The following CYRIA variants were observed in gnomAD, a reference collection of about 807,000 sequenced individuals.
CYRIA encodes CYFIP-related Rac1 interactor A.
CYRIA carries 15 observed loss-of-function variants against 43.9 expected under a neutral mutation model. That is an observed-to-expected ratio of 0.34 (90% confidence interval 0.23 to 0.53). CYRIA has a LOEUF of 0.53. CYRIA is among the 20% of genes least tolerant of loss of function. CYRIA has a pLI of 0.94. For synonymous variants in CYRIA, 117 were observed against 136.0 expected (o/e 0.86, Z 0.97); for missense variants, 236 against 394.2 (o/e 0.60, Z 3.40).
intron 2 of CYRIA, 77 bp from the exon 3 acceptor site, chr2:16,588,206 C>T: frequency 2.3e-6 from 2 of 882,090 alleles, no homozygotes; most frequent in South Asian, 3.4e-5. Flanking sequence ...CCTGGGCCCC[C>T]CATAGCTACC....
At chr2:16,640,670 C>A (rs16982630) in intron 1 of CYRIA, among the ~76,000 whole-genome samples, 54,103 of 152,008 alleles carry the variant, frequency 0.36, 10,214 homozygotes, top group African/African-American at 0.48. Flanking sequence ...GCTGCAGGCA[C>A]TGGATCAGAT....
chr2:16,635,920 A>C (rs1469849031), intron 1 of CYRIA, among the ~76,000 whole-genome samples: 2 of 152,150 alleles, frequency 1.3e-5, no homozygotes, highest in African/African-American at 4.8e-5. Flanking sequence ...TGGGATTGAA[A>C]ATGCATTTAG....
At chr2:16,599,704 C>T (rs1247150520) in intron 2 of CYRIA, among the ~76,000 whole-genome samples, 1 of 151,788 alleles carries the variant, frequency 6.6e-6, no homozygotes, top group Non-Finnish European at 1.5e-5. Flanking sequence ...GCGTCACTCA[C>T]GCTGGGAGCT....
chr2:16,631,219 A>T (rs1669321353), intron 1 of CYRIA, among the ~76,000 whole-genome samples: 1 of 152,274 alleles, frequency 6.6e-6, no homozygotes, highest in Non-Finnish European at 1.5e-5. Flanking sequence ...CATTGAGTGG[A>T]AAGTTACTTA....
intron 1 of CYRIA, among the ~76,000 whole-genome samples, chr2:16,639,426 G>A (rs1348206024): frequency 2.0e-5 from 3 of 152,226 alleles, no homozygotes; most frequent in South Asian, 2.1e-4. Context: ...GCACAGAAAT[G>A]CCCAGTTGAT....
chr2:16,561,360 G>A lies in CYRIA; in HGVS notation c.514-83C>T. 4.7e-6 allele frequency: 7 copies of A among 1,480,326 alleles called. No homozygotes were observed. In the South Asian group the frequency reaches 7.9e-5, roughly 17 times the overall value. The allele number at this position is 1,480,326 out of a possible 1,614,324, so 91.7% of individuals were successfully genotyped here. A position where few individuals can be genotyped will look rare whatever the true frequency, so the allele number is the denominator to read the frequency against. ...TACTTTTCTCTGGAACTGAATTACA[G>A]ACAAGGACATTGTCTTCTGTCTGTG... On this transcript the variant is annotated intron_variant, in intron 7 of 11. Transcript: ENST00000381323.
intron 4 of CYRIA, among the ~76,000 whole-genome samples, chr2:16,564,680 G>A (rs541430812): frequency 6.6e-6 from 1 of 152,244 alleles, no homozygotes; most frequent in East Asian, 1.9e-4. Flanking sequence ...GTATGTGTGT[G>A]TGTGTATGTG....
intron 10 of CYRIA, among the ~76,000 whole-genome samples, chr2:16,558,774 GATTATGGTCCCTGTCCTTGTCAAGAA>G: frequency 6.6e-6 from 1 of 152,212 alleles, no homozygotes; most frequent in South Asian, 2.1e-4. Context: ...GAGGTATATA[GATTATGGTCCCTGTCCTTGTCAAGAA>G]ATTGTCTGTG....
chr2:16,605,077 T>C (rs1285991743), intron 2 of CYRIA, among the ~76,000 whole-genome samples: 1 of 151,708 alleles, frequency 6.6e-6, no homozygotes, highest in African/African-American at 2.4e-5. Flanking sequence ...GCATTCCCCA[T>C]GGAATACAAG....
chr2:16,614,592 T>C (rs192706358), intron 2 of CYRIA, among the ~76,000 whole-genome samples: 75 of 152,286 alleles, frequency 4.9e-4, no homozygotes, highest in Admixed American at 3.1e-3. Flanking sequence ...TTGGGCTATT[T>C]CTTCATTCCA....
chr2:16,623,557 T>C (rs557514916), intron 2 of CYRIA, among the ~76,000 whole-genome samples: 41 of 152,316 alleles, frequency 2.7e-4, no homozygotes, highest in Admixed American at 2.7e-3. Context: ...CTAAATCTAG[T>C]TGGCTAGCAT....
At chr2:16,603,207 T>C (rs1358684106) in intron 2 of CYRIA, among the ~76,000 whole-genome samples, 1 of 152,182 alleles carries the variant, frequency 6.6e-6, no homozygotes, top group African/African-American at 2.4e-5. Context: ...ATCCCATCCC[T>C]AGAGTGGCTC....
At chr2:16,638,253 A>T (rs1669561448) in intron 1 of CYRIA, among the ~76,000 whole-genome samples, 1 of 152,216 alleles carries the variant, frequency 6.6e-6, no homozygotes, top group Non-Finnish European at 1.5e-5. Flanking sequence ...TCAGAGAACA[A>T]GGTATGGTAC....
In CYRIA at chr2:16,549,704, T is replaced by C. The variant is rs1399807454; in HGVS notation, c.*3232A>G. 2.0e-5 allele frequency: 3 copies of C among 152,144 alleles called. No individual in the cohort carries two copies. Among genetic ancestry groups the C allele is most frequent in the Non-Finnish European group, 4.4e-5 (3 of 68,026 alleles). 9.4% of individuals were successfully genotyped at this position (152,144 alleles called of 1,614,324 possible). A position where few individuals can be genotyped will look rare whatever the true frequency, so the allele number is the denominator to read the frequency against. On this transcript the variant is annotated 3_prime_UTR_variant, in exon 12 of 12. Coordinates refer to ENST00000381323, the MANE Select transcript of CYRIA (RefSeq NM_030797.4). ...CATTTAAAAAATATTTGTAGCTGCA[T>C]AGGATACAAGATTGAATGAGAAGTC...
At chr2:16,651,677 T>C (rs2103548350) in intron 1 of CYRIA, among the ~76,000 whole-genome samples, 1 of 152,346 alleles carries the variant, frequency 6.6e-6, no homozygotes, top group East Asian at 1.9e-4. Flanking sequence ...TTAGCTCCAC[T>C]GGAGGATGAG....
Position 16,552,952 on chromosome 2 carries a change from C to T in CYRIA, c.956G>A (p.Arg319Gln), listed in dbSNP as rs763229345. The change falls in exon 12 of 12, where the codon CGA (arginine) becomes CAA (glutamine). Residue 319 changes from arginine (R) to glutamine (Q), a missense_variant. By Grantham distance (43) the Arg-to-Gln change is conservative (BLOSUM62 1). Coordinates refer to ENST00000381323, the MANE Select transcript of CYRIA (RefSeq NM_030797.4). ...AGCAGAGCTCTACTGAAGCATTGCT[C>T]GAATCTGTTTGGAAGTTGATTCATC... ...LNDESTSKQI[R>Q]AMLQ 4 of 1,608,324 alleles carry T rather than the reference C, an allele frequency of 2.5e-6. No homozygotes were observed. The highest frequency in any genetic ancestry group is 3.4e-6 in the Non-Finnish European group (4 of 1,174,928).
At chr2:16,590,827 A>C (rs921114584) in intron 2 of CYRIA, among the ~76,000 whole-genome samples, 1 of 152,168 alleles carries the variant, frequency 6.6e-6, no homozygotes, top group African/African-American at 2.4e-5. Context: ...GAACCTAGAA[A>C]ACAAGTGTTT....
intron 2 of CYRIA, among the ~76,000 whole-genome samples, chr2:16,614,770 C>T (rs1369251178): frequency 2.6e-5 from 4 of 152,242 alleles, no homozygotes; most frequent in Non-Finnish European, 4.4e-5. Flanking sequence ...TCACCTGCCA[C>T]GTAGCAGCTG....
At chr2:16,649,944 GC>G (rs1367930179) in intron 1 of CYRIA, among the ~76,000 whole-genome samples, 2 of 152,136 alleles carry the variant, frequency 1.3e-5, no homozygotes, top group African/African-American at 2.4e-5. Context: ...AATAAAGAAA[GC>G]CACATCCCAG....
Sources: gnomAD v4.1 joint callset for allele counts (sites outside exome capture counted in the v4.1 genomes callset) on GRCh38, gnomAD v4.1.1 for gene constraint, MANE v1.5 for transcripts, NCBI Gene and HGNC (gene_info 2026-07-23, HGNC 2026-07-21) for gene names.